The following RSL1D1 variants were observed in gnomAD, a reference collection of about 807,000 sequenced individuals.
The protein encoded by RSL1D1 is ribosomal L1 domain-containing protein 1.
A neutral mutation model predicts 44.6 loss-of-function variants in RSL1D1; 34 were observed. That is an observed-to-expected ratio of 0.76 (90% CI 0.58 to 1.02). The LOEUF (loss-of-function observed/expected upper bound fraction) is 1.02. Ranked by LOEUF, RSL1D1 falls within the 50% of genes least tolerant of loss-of-function variation. The pLI is 0.00. For synonymous variants in RSL1D1, 271 were observed against 207.4 expected, an observed-to-expected ratio of 1.31 and a Z score of -2.63; for missense variants, 767 against 568.1, an observed-to-expected ratio of 1.35 and a Z score of -3.56.
At chr16:11,839,526 T>TAAAAAAAAAAAAAAAAAAAA (rs55657359) in intron 8 of RSL1D1, among the ~76,000 whole-genome samples, 169 bp downstream of exon 8, 1 of 121,446 alleles carries the variant, frequency 8.2e-6, no homozygotes, top group Admixed American at 8.5e-5. Context: ...AGATCCCATC[T>TAAAAAAAAAAAAAAAAAAAA]AAAAAAAAAA....
At position 11,835,423 on chromosome 16, in the gene RSL1D1, T is replaced by A. The variant is rs1325361534; in HGVS notation, c.*2364A>T. ...TCTCAGAACTCCTGGCCTCAAGTGA[T>A]CTGCCAGCCTTGGCTGGGATTACAG... On this transcript the variant is annotated 3_prime_UTR_variant, in exon 9 of 9. Coordinates refer to ENST00000571133, the MANE Select transcript of RSL1D1 (RefSeq NM_015659.3). 6.6e-6 allele frequency: 1 copy of A among 152,236 alleles called. No individual in the cohort carries two copies. The highest frequency in any genetic ancestry group is 1.5e-5 in the Non-Finnish European group (1 of 68,148). The allele number at this position is 152,236 out of a possible 1,614,324, so 9.4% of individuals were successfully genotyped here.
At chr16:11,845,437 G>A (rs538053885) in intron 5 of RSL1D1, among the ~76,000 whole-genome samples, 1 of 152,280 alleles carries the variant, frequency 6.6e-6, no homozygotes, top group Non-Finnish European at 1.5e-5. Flanking sequence ...CACGATAAAG[G>A]ACAAGCTCAA....
chr16:11,835,558 A>G lies in RSL1D1; in HGVS notation c.*2229T>C, dbSNP rs991779066. 4 of 152,078 alleles carry G rather than the reference A, an allele frequency of 2.6e-5. No individual in the cohort carries two copies. The highest frequency in any genetic ancestry group is 4.4e-5 in the Non-Finnish European group (3 of 68,118). The allele number at this position is 152,078 out of a possible 1,614,324, so 9.4% of individuals were successfully genotyped here. A position where few individuals can be genotyped will look rare whatever the true frequency, so the allele number is the denominator to read the frequency against. ...GCCCAGGCTGGAGTGCAGGATCGTG[A>G]TCATGGCCCATTGCAGCCTCTACCT... is the stretch of plus-strand genomic sequence containing the variant. On this transcript the variant is annotated 3_prime_UTR_variant, in exon 9 of 9. Transcript: ENST00000571133.
chr16:11,839,823 T>A lies in RSL1D1; in HGVS notation c.1018A>T (p.Thr340Ser), dbSNP rs1461857102. The A allele has an allele frequency of 6.2e-7, 1 of 1,614,172 alleles. No individual in the cohort carries two copies. The highest frequency in any genetic ancestry group is 8.5e-7 in the Non-Finnish European group (1 of 1,180,028). Residue 340 changes from threonine (T) to serine (S), a missense_variant, in exon 8 of 9, where the codon ACC (threonine) becomes TCC (serine). Physicochemically the swap from Thr to Ser is moderately conservative, Grantham distance 58. Coordinates refer to ENST00000571133, the MANE Select transcript of RSL1D1 (RefSeq NM_015659.3). ...CGTTTTTTCTTCCCATGCTCTGGGGTCTGTTCCTTCTTTGATTCAGGTTTC... is the reference window on the plus strand; with the variant it reads ...CGTTTTTTCTTCCCATGCTCTGGGGACTGTTCCTTCTTTGATTCAGGTTTC... ...VKKPESKKEQ[T>S]PEHGKKKRGR... is the part of the protein sequence containing the mutation.
intron 3 of RSL1D1, among the ~76,000 whole-genome samples, chr16:11,847,403 A>G (rs1294080661): frequency 6.6e-6 from 1 of 152,162 alleles, no homozygotes; most frequent in Non-Finnish European, 1.5e-5. Context: ...CCTTAGATCC[A>G]GAGGGTAATA....
Position 11,838,156 on chromosome 16 carries a change from A to AACCTGAC in RSL1D1, c.1147-50_1147-44dup, listed in dbSNP as rs953743237. ...AAGTTTAATATAGAAAAAGCCACAA[A>AACCTGAC]ACCTGACACTCTAACTCCAGGAGTT... On this transcript the variant is annotated intron_variant, in intron 8 of 8. Transcript: ENST00000571133. 35 of 1,418,042 alleles carry AACCTGAC rather than the reference A, an allele frequency of 2.5e-5. 1 individual carries two copies. Among genetic ancestry groups the AACCTGAC allele is most frequent in the Non-Finnish European group, 3.3e-5 (34 of 1,041,512 alleles). The allele number at this position is 1,418,042 out of a possible 1,614,324, so 87.8% of individuals were successfully genotyped here. A position where few individuals can be genotyped will look rare whatever the true frequency, so the allele number is the denominator to read the frequency against.
chr16:11,850,269 C>T lies in RSL1D1; in HGVS notation c.245+10G>A. 1 of 1,559,398 alleles carries T rather than the reference C, an allele frequency of 6.4e-7. No individual in the cohort carries two copies. Among genetic ancestry groups the T allele is most frequent in the Non-Finnish European group, 8.6e-7 (1 of 1,160,800 alleles). On this transcript the variant is annotated intron_variant, in intron 2 of 8. Coordinates refer to ENST00000571133, the MANE Select transcript of RSL1D1 (RefSeq NM_015659.3). The stretch of plus-strand genomic sequence containing the variant: ...GATAAAAACAGCAAAGGTAGAAAAT[C>T]ACAACTTACAATCTGACCCTCAGTT...
chr16:11,850,508 GC>G (rs987417423), intron 1 of RSL1D1, 90 bp from the exon 2 acceptor site: 4 of 1,354,280 alleles, frequency 3.0e-6, no homozygotes, highest in South Asian at 1.3e-5. Context: ...TTTAGCATTT[GC>G]CCCCTCCCAC....
chr16:11,848,795 C>G (rs1005741405), intron 2 of RSL1D1, among the ~76,000 whole-genome samples: 1 of 143,032 alleles, frequency 7.0e-6, no homozygotes, highest in Non-Finnish European at 1.5e-5. Context: ...ACTCAGCCAA[C>G]ATAACTTTTT....
chr16:11,842,877 T>A (rs946776699), intron 5 of RSL1D1, among the ~76,000 whole-genome samples: 2 of 150,694 alleles, frequency 1.3e-5, no homozygotes, highest in Non-Finnish European at 2.9e-5. Flanking sequence ...TGCCTCAGCC[T>A]CCCTAGTAGC....
Position 11,839,916 on chromosome 16 carries a change from C to A in RSL1D1, c.925G>T (p.Ala309Ser). Residue 309 changes from alanine (A) to serine (S), a missense_variant, in exon 8 of 9, where the codon GCT (alanine) becomes TCT (serine). Physicochemically the swap from Ala to Ser is moderately conservative, Grantham distance 99. Transcript: ENST00000571133. ...CTAAGAACTGATGCAGTCTTCCTAG[C>A]CTGCTGCCTCTTCTTCTTCCTCTCC... Reference protein sequence around the residue: ...QKERKKKRQQARKTASVLSKD... With the variant: ...QKERKKKRQQSRKTASVLSKD... 2 of 1,614,004 alleles carry A rather than the reference C, an allele frequency of 1.2e-6. No individual in the cohort carries two copies. Among genetic ancestry groups the A allele is most frequent in the Non-Finnish European group, 1.7e-6 (2 of 1,179,946 alleles).
In RSL1D1 at chr16:11,838,037, TTTC is replaced by T; in HGVS notation, c.1220_1222del (p.Arg407del). ...TGGGGTCTCAGATGCTGGCAAAGCC[TTTC>T]TTTTCTTCCCACGAGGTGTGCTGGG... On this transcript the variant is annotated inframe_deletion, in exon 9 of 9. Coordinates refer to ENST00000571133, the MANE Select transcript of RSL1D1 (RefSeq NM_015659.3). 4 of 1,613,884 alleles carry T rather than the reference TTTC, an allele frequency of 2.5e-6. No homozygotes were observed. Among genetic ancestry groups the T allele is most frequent in the Middle Eastern group, 1.7e-4 (1 of 6,058 alleles).
intron 5 of RSL1D1, among the ~76,000 whole-genome samples, chr16:11,844,193 T>TG (rs765682774): frequency 1.3e-4 from 20 of 152,010 alleles, no homozygotes; most frequent in African/African-American, 3.9e-4. Flanking sequence ...GGAAAGATGG[T>TG]GGGGGGGAAG....
chr16:11,846,535 T>A lies in RSL1D1; in HGVS notation c.601A>T (p.Thr201Ser), dbSNP rs769210119. The change falls in exon 5 of 9, where the codon ACA becomes TCA. Residue 201 changes from threonine (T) to serine (S), a missense_variant. Thr to Ser is a moderately conservative substitution (Grantham distance 58, BLOSUM62 1). Coordinates refer to ENST00000571133, the MANE Select transcript of RSL1D1 (RefSeq NM_015659.3). ...CCACTTTTAGAAATGTTTAAGACTG[T>A]TCCACCTATACAGTCATTGATCTCT... ...SREINDCIGG[T>S]VLNISKSGSC... 2.8e-5 allele frequency: 45 copies of A among 1,602,130 alleles called. No individual in the cohort carries two copies. In the South Asian group the frequency reaches 4.7e-4, roughly 17 times the overall value.
chr16:11,837,638 C>T lies in RSL1D1; in HGVS notation c.*149G>A, dbSNP rs774569067. On this transcript the variant is annotated 3_prime_UTR_variant, in exon 9 of 9. Transcript: ENST00000571133. Reference sequence around the variant, plus strand: ...GTGCTGGGATTACAGGCGTGAGCCACCGCCCCTGGACTACTTATGGAGGTT... The same window carrying T: ...GTGCTGGGATTACAGGCGTGAGCCATCGCCCCTGGACTACTTATGGAGGTT... 4 of 712,834 alleles carry T rather than the reference C, an allele frequency of 5.6e-6. No homozygotes were observed. The highest frequency in any genetic ancestry group is 9.3e-6 in the Non-Finnish European group (4 of 430,088). 44.2% of individuals were successfully genotyped at this position (712,834 alleles called of 1,614,324 possible).
chr16:11,836,627 G>T lies in RSL1D1; in HGVS notation c.*1160C>A, dbSNP rs1237605521. The T allele has an allele frequency of 6.6e-6, 1 of 152,200 alleles. No individual in the cohort carries two copies. Among genetic ancestry groups the T allele is most frequent in the Non-Finnish European group, 1.5e-5 (1 of 68,036 alleles). 9.4% of individuals were successfully genotyped at this position (152,200 alleles called of 1,614,324 possible). On this transcript the variant is annotated 3_prime_UTR_variant, in exon 9 of 9. Transcript: ENST00000571133. ...TAAGGAGGAAGAGGATAAGGCTTAT[G>T]GAAGATAAATCATGTTCTTGCCTCC...
At chr16:11,845,039 A>G (rs1356857883) in intron 5 of RSL1D1, among the ~76,000 whole-genome samples, 1 of 152,204 alleles carries the variant, frequency 6.6e-6, no homozygotes, top group Non-Finnish European at 1.5e-5. Flanking sequence ...GGTTAAACCA[A>G]TATGACAACA....
intron 3 of RSL1D1, 47 bp downstream of exon 3, chr16:11,847,621 G>C (rs60133341): frequency 4.0e-6 from 6 of 1,504,194 alleles, no homozygotes; most frequent in African/African-American, 1.4e-5. Context: ...CATTTCGCCT[G>C]AATTAAATCC....
At position 11,851,485 on chromosome 16, in the gene RSL1D1, A is replaced by G. The variant is rs1243894136; in HGVS notation, c.28T>C (p.Ser10Pro). MEDSASASL[S>P]SAAATGTSTS... Reference sequence around the variant, plus strand: ...GAGGTTCCAGTAGCGGCTGCAGAAGACAGCGAGGCCGAGGCCGAATCCTCC... The same window carrying G: ...GAGGTTCCAGTAGCGGCTGCAGAAGGCAGCGAGGCCGAGGCCGAATCCTCC... The change falls in exon 1 of 9, where the codon TCT (serine) becomes CCT (proline). Residue 10 changes from serine to proline, a missense_variant. By Grantham distance (74) the Ser-to-Pro change is moderately conservative. Coordinates refer to ENST00000571133, the MANE Select transcript of RSL1D1 (RefSeq NM_015659.3). 3.1e-6 allele frequency: 5 copies of G among 1,613,860 alleles called. No homozygotes were observed. The highest frequency in any genetic ancestry group is 4.2e-6 in the Non-Finnish European group (5 of 1,179,978).
Sources: allele counts gnomAD v4.1 joint callset (sites outside exome capture counted in the v4.1 genomes callset), GRCh38; gene constraint gnomAD v4.1.1; transcripts MANE v1.5; gene names NCBI Gene and HGNC (gene_info 2026-07-23, HGNC 2026-07-21).